PRKN: variants seen among roughly 807,000 people sequenced by gnomAD.
The protein encoded by PRKN is E3 ubiquitin-protein ligase parkin.
In PRKN, 56 loss-of-function variants were observed where a neutral mutation model predicts 59.5. That is an observed-to-expected ratio of 0.94 (90% CI 0.76 to 1.18). The LOEUF (loss-of-function observed/expected upper bound fraction) is 1.18, where lower values mean the gene tolerates loss of function less well. PRKN is among the 50% of genes most tolerant of loss of function. The pLI is 0.00. For missense variants in PRKN, 657 were observed against 596.4 expected, an observed-to-expected ratio of 1.10 and a Z score of -1.06; for synonymous variants, 250 against 222.1, an observed-to-expected ratio of 1.13 and a Z score of -1.12.
chr6:162,660,336 C>T (rs1284748818), intron 1 of PRKN, among the ~76,000 whole-genome samples: 1 of 152,136 alleles, frequency 6.6e-6, no homozygotes, highest in Non-Finnish European at 1.5e-5. Flanking sequence ...TGAAAGCATG[C>T]AAGAGGCTCA....
rs200607645 is a variant in PRKN at position 162,453,904 on chromosome 6, C to CA, written c.8-10432dup. 3.6e-3 allele frequency among the ~76,000 whole-genome samples: 529 copies of CA among 148,304 alleles called. 1 individual carries two copies. The highest frequency in any genetic ancestry group is 0.012 in the African/African-American group (494 of 40,372). ...GGCGACAAGAGTGAGACTGTGTCTCCAAAAAAAAACGATGAGAAAGTGGAC... is the reference window on the plus strand; with the variant it reads ...GGCGACAAGAGTGAGACTGTGTCTCCAAAAAAAAAACGATGAGAAAGTGGAC... On this transcript the variant is annotated intron_variant, in intron 1 of 11. Coordinates refer to ENST00000366898, the MANE Select transcript of PRKN (RefSeq NM_004562.3).
At chr6:161,521,127 A>G (rs1778804944) in intron 9 of PRKN, among the ~76,000 whole-genome samples, 1 of 152,192 alleles carries the variant, frequency 6.6e-6, no homozygotes, top group Admixed American at 6.5e-5. Context: ...AAGATTGACA[A>G]TTATTAGACA....
At chr6:161,704,104 C>T (rs1786382588) in intron 7 of PRKN, among the ~76,000 whole-genome samples, 1 of 152,076 alleles carries the variant, frequency 6.6e-6, no homozygotes, top group South Asian at 2.1e-4. Context: ...GATCCACCAG[C>T]CTTGGCCTCC....
chr6:161,924,324 G>A (rs969605006), intron 6 of PRKN, among the ~76,000 whole-genome samples: 1 of 152,128 alleles, frequency 6.6e-6, no homozygotes, highest in Non-Finnish European at 1.5e-5. Context: ...CAATGGCCCA[G>A]ACTGTGTGCT....
chr6:161,672,640 G>A (rs1408451474), intron 7 of PRKN, among the ~76,000 whole-genome samples: 4 of 152,110 alleles, frequency 2.6e-5, no homozygotes, highest in Non-Finnish European at 4.4e-5. Flanking sequence ...GCTGGGTGTG[G>A]TGGCAGATGT....
intron 1 of PRKN, among the ~76,000 whole-genome samples, chr6:162,668,312 G>A (rs915184085): frequency 3.3e-5 from 5 of 152,152 alleles, no homozygotes; most frequent in African/African-American, 4.8e-5. Flanking sequence ...TGAGAAAAGT[G>A]CAGTATCACA....
At chr6:162,228,998 A>C (rs1778306566) in intron 3 of PRKN, among the ~76,000 whole-genome samples, 1 of 152,152 alleles carries the variant, frequency 6.6e-6, no homozygotes, top group Admixed American at 6.5e-5. Flanking sequence ...ACCACAGCGC[A>C]ATCTATGGGA....
intron 1 of PRKN, among the ~76,000 whole-genome samples, chr6:162,480,041 G>A (rs1792222974): frequency 6.7e-6 from 1 of 150,166 alleles, no homozygotes; most frequent in Admixed American, 6.7e-5. Flanking sequence ...CTCCAGCCTG[G>A]GTGAGAGAGC....
chr6:161,858,136 G>C (rs148137838), intron 6 of PRKN, among the ~76,000 whole-genome samples: 1 of 152,170 alleles, frequency 6.6e-6, no homozygotes. Context: ...TGCTTGCCAG[G>C]GTAGTTGATT....
At chr6:162,362,382 A>G (rs1038280644) in intron 2 of PRKN, among the ~76,000 whole-genome samples, 3 of 152,190 alleles carry the variant, frequency 2.0e-5, no homozygotes, top group African/African-American at 7.2e-5. Flanking sequence ...AAAATAGTAT[A>G]ATGCTTAGTT....
intron 2 of PRKN, among the ~76,000 whole-genome samples, chr6:162,299,802 A>G (rs1413107235): frequency 6.6e-6 from 1 of 152,130 alleles, no homozygotes; most frequent in Non-Finnish European, 1.5e-5. Context: ...CAGGTGTTCA[A>G]AAGACATCTG....
At chr6:162,006,662 T>C (rs1299937607) in intron 5 of PRKN, among the ~76,000 whole-genome samples, 2 of 152,188 alleles carry the variant, frequency 1.3e-5, no homozygotes, top group African/African-American at 4.8e-5. Flanking sequence ...AGCTGTCTCA[T>C]TAGCCGAGAG....
At chr6:161,824,407 T>C (rs1792157303) in intron 6 of PRKN, among the ~76,000 whole-genome samples, 1 of 152,322 alleles carries the variant, frequency 6.6e-6, no homozygotes, top group South Asian at 2.1e-4. Context: ...TCATGTACGC[T>C]TTTTGTTTAT....
chr6:161,599,496 G>T (rs920051081), intron 7 of PRKN, among the ~76,000 whole-genome samples: 1 of 152,102 alleles, frequency 6.6e-6, no homozygotes. Context: ...TAAAAATAAC[G>T]TTTCTTTAGA....
chr6:162,164,431 C>T (rs373607011), intron 4 of PRKN, among the ~76,000 whole-genome samples: 2 of 148,478 alleles, frequency 1.3e-5, no homozygotes, highest in African/African-American at 2.5e-5. Flanking sequence ...AGGTTGGTCT[C>T]GAACTGCCGA....
At chr6:162,553,423 G>GA (rs35709676) in intron 1 of PRKN, among the ~76,000 whole-genome samples, 41,721 of 150,488 alleles carry the variant, frequency 0.28, 6,543 homozygotes, top group East Asian at 0.48. Flanking sequence ...GATAGATATA[G>GA]GGGGGGTGCT....
At chr6:162,661,242 C>T (rs989420790) in intron 1 of PRKN, among the ~76,000 whole-genome samples, 3 of 151,518 alleles carry the variant, frequency 2.0e-5, no homozygotes, top group East Asian at 1.9e-4. Flanking sequence ...GCCTGGGCAA[C>T]AAGAATGAAA....
intron 4 of PRKN, among the ~76,000 whole-genome samples, chr6:162,178,632 C>T (rs776851223): frequency 6.6e-6 from 1 of 152,204 alleles, no homozygotes; most frequent in Non-Finnish European, 1.5e-5. Context: ...TGCCAAAGTG[C>T]TGCAGGTGGA....
At chr6:162,463,821 C>G (rs1393083701) in intron 1 of PRKN, among the ~76,000 whole-genome samples, 1 of 152,180 alleles carries the variant, frequency 6.6e-6, no homozygotes, top group Non-Finnish European at 1.5e-5. Flanking sequence ...AAACTGTGAG[C>G]AGCCTGCAAG....
Sources: allele counts gnomAD v4.1 joint callset (sites outside exome capture counted in the v4.1 genomes callset), GRCh38; gene constraint gnomAD v4.1.1; transcripts MANE v1.5; gene names NCBI Gene and HGNC (gene_info 2026-07-23, HGNC 2026-07-21).